Variants in LRRC3 observed in about 807,000 individuals in gnomAD.
LRRC3 encodes the protein leucine rich repeat containing 3.
For missense variants in LRRC3, 351 were observed against 361.6 expected, an observed-to-expected ratio of 0.97 and a Z score of 0.24; for synonymous variants, 172 against 164.1, an observed-to-expected ratio of 1.05 and a Z score of -0.37.
At position 44,457,577 on chromosome 21, in the gene LRRC3, C is replaced by T. The variant is rs1385429676; in HGVS notation, c.*159C>T. ...AGCACCTCCAGGCTGGGTGGTTTTGCCACACATCCGTGTGACGGATGAGGA... is the reference window on the plus strand; with the variant it reads ...AGCACCTCCAGGCTGGGTGGTTTTGTCACACATCCGTGTGACGGATGAGGA... On this transcript the variant is annotated 3_prime_UTR_variant, in exon 2 of 2. Transcript: ENST00000291592. 3 of 775,352 alleles carry T rather than the reference C, an allele frequency of 3.9e-6. No individual in the cohort carries two copies. The highest frequency in any genetic ancestry group is 3.2e-5 in the Admixed American group (1 of 31,126). The allele number at this position is 775,352 out of a possible 1,614,324, so 48.0% of individuals were successfully genotyped here. A position where few individuals can be genotyped will look rare whatever the true frequency, so the allele number is the denominator to read the frequency against.
In LRRC3 at chr21:44,457,600, GGAACC is replaced by G; in HGVS notation, c.*183_*187del. 1 of 633,928 alleles carries G rather than the reference GGAACC, an allele frequency of 1.6e-6. No homozygotes were observed. Among genetic ancestry groups the G allele is most frequent in the African/African-American group, 1.9e-5 (1 of 53,944 alleles). 39.3% of individuals were successfully genotyped at this position (633,928 alleles called of 1,614,324 possible). A position where few individuals can be genotyped will look rare whatever the true frequency, so the allele number is the denominator to read the frequency against. ...TGCCACACATCCGTGTGACGGATGA[GGAACC>G]TGAAGCTTAGAGGAACGGAATGACT... is the stretch of plus-strand genomic sequence containing the variant. On this transcript the variant is annotated 3_prime_UTR_variant, in exon 2 of 2. Coordinates refer to ENST00000291592, the MANE Select transcript of LRRC3 (RefSeq NM_030891.6).
In LRRC3 at chr21:44,457,518, A is replaced by T. The variant is rs751038855; in HGVS notation, c.*100A>T. 2.2e-5 allele frequency: 29 copies of T among 1,333,718 alleles called. 1 individual carries two copies. Among genetic ancestry groups the T allele is most frequent in the South Asian group, 1.0e-4 (7 of 68,034 alleles). 82.6% of individuals were successfully genotyped at this position (1,333,718 alleles called of 1,614,324 possible). On this transcript the variant is annotated 3_prime_UTR_variant, in exon 2 of 2. Coordinates refer to ENST00000291592, the MANE Select transcript of LRRC3 (RefSeq NM_030891.6). Reference sequence around the variant, plus strand: ...CTTCCCTGAGGCAGGTGTCACAGCCATGTGTGCTCCCCACTGTTGCACTCA... The same window carrying T: ...CTTCCCTGAGGCAGGTGTCACAGCCTTGTGTGCTCCCCACTGTTGCACTCA...
At position 44,456,559 on chromosome 21, in the gene LRRC3, T is replaced by C; in HGVS notation, c.-86T>C. The stretch of plus-strand genomic sequence containing the variant: ...GGCAGGATGGCGGTTTCATGTCTGG[T>C]TGGATAAGGCCTTGCCTGCGGAAAC... On this transcript the variant is annotated 5_prime_UTR_variant, in exon 2 of 2. Transcript: ENST00000291592. 1 of 1,406,420 alleles carries C rather than the reference T, an allele frequency of 7.1e-7. No homozygotes were observed. The highest frequency in any genetic ancestry group is 9.6e-7 in the Non-Finnish European group (1 of 1,044,308). The allele number at this position is 1,406,420 out of a possible 1,614,324, so 87.1% of individuals were successfully genotyped here.
At position 44,457,406 on chromosome 21, in the gene LRRC3, C is replaced by A; in HGVS notation, c.762C>A (p.Gly254=). 6.3e-7 allele frequency: 1 copy of A among 1,585,790 alleles called. No individual in the cohort carries two copies. The highest frequency in any genetic ancestry group is 8.6e-7 in the Non-Finnish European group (1 of 1,161,368). Residue 254 remains glycine (G), a synonymous_variant, in exon 2 of 2, where the codon GGC becomes GGA. Transcript: ENST00000291592. Reference sequence around the variant, plus strand: ...CCCCCGCCTCCAAGGACCCCATCGGCCCGGGGCCCTAGCGCCTGTTCCGGC... The same window carrying A: ...CCCCCGCCTCCAAGGACCCCATCGGACCGGGGCCCTAGCGCCTGTTCCGGC... The part of the protein sequence containing the change: ...PSAPASKDPI[G]PGP
In LRRC3 at chr21:44,457,066, G is replaced by T. The variant is rs775445278; in HGVS notation, c.422G>T (p.Arg141Leu). ...DALGKLSAKI[R>L]LSHNPLHCEC... ...CTGGGCAAACTCAGCGCCAAGATAC[G>T]CCTGTCCCACAACCCCCTGCACTGC... is the stretch of plus-strand genomic sequence containing the variant. The change falls in exon 2 of 2, where the codon CGC becomes CTC. Residue 141 changes from arginine (R) to leucine (L), a missense_variant. Arg to Leu is a moderately radical substitution (Grantham distance 102, BLOSUM62 -2). Coordinates refer to ENST00000291592, the MANE Select transcript of LRRC3 (RefSeq NM_030891.6). 15 of 1,608,206 alleles carry T rather than the reference G, an allele frequency of 9.3e-6. No homozygotes were observed. In the East Asian group the frequency reaches 3.3e-4, roughly 36 times the overall value.
rs2051718155 is a variant in LRRC3, at chr21:44,457,721, C to T, written c.*303C>T. 2.3e-6 allele frequency: 1 copy of T among 426,044 alleles called. No individual in the cohort carries two copies. The highest frequency in any genetic ancestry group is 2.0e-5 in the African/African-American group (1 of 48,992). 26.4% of individuals were successfully genotyped at this position (426,044 alleles called of 1,614,324 possible). A position where few individuals can be genotyped will look rare whatever the true frequency, so the allele number is the denominator to read the frequency against. ...TTCCGCCTCCTTCCACCATGCCAGC[C>T]TCTCCCACACGGGGCCCTGCAGGCT... On this transcript the variant is annotated 3_prime_UTR_variant, in exon 2 of 2. Coordinates refer to ENST00000291592, the MANE Select transcript of LRRC3 (RefSeq NM_030891.6).
In LRRC3 at chr21:44,457,265, G is replaced by A; in HGVS notation, c.621G>A (p.Met207Ile). The A allele has an allele frequency of 6.2e-7, 1 of 1,613,916 alleles. No individual in the cohort carries two copies. The highest frequency in any genetic ancestry group is 2.2e-5 in the East Asian group (1 of 44,888). Reference protein sequence around the residue: ...SVPHRTTDVAMLVTMFGWFAM... With the variant: ...SVPHRTTDVAILVTMFGWFAM... ...CCCACAGGACCACAGACGTGGCCATGCTGGTCACCATGTTCGGCTGGTTCG... is the reference window on the plus strand; with the variant it reads ...CCCACAGGACCACAGACGTGGCCATACTGGTCACCATGTTCGGCTGGTTCG... The change falls in exon 2 of 2, where the codon ATG becomes ATA. Residue 207 changes from methionine to isoleucine, a missense_variant. Physicochemically the swap from Met to Ile is conservative, Grantham distance 10 (BLOSUM62 1). Coordinates refer to ENST00000291592, the MANE Select transcript of LRRC3 (RefSeq NM_030891.6).
chr21:44,457,568 G>T lies in LRRC3; in HGVS notation c.*150G>T. 2 of 916,660 alleles carry T rather than the reference G, an allele frequency of 2.2e-6. No individual in the cohort carries two copies. The highest frequency in any genetic ancestry group is 3.2e-6 in the Non-Finnish European group (2 of 620,658). 56.8% of individuals were successfully genotyped at this position (916,660 alleles called of 1,614,324 possible). On this transcript the variant is annotated 3_prime_UTR_variant, in exon 2 of 2. Transcript: ENST00000291592. ...AGGCACAGCAGCACCTCCAGGCTGGGTGGTTTTGCCACACATCCGTGTGAC... is the reference window on the plus strand; with the variant it reads ...AGGCACAGCAGCACCTCCAGGCTGGTTGGTTTTGCCACACATCCGTGTGAC...
chr21:44,456,610 AGGCTCGCGTGTCCCCGTCCCCAGGTCAG>A lies in LRRC3; in HGVS notation c.-33_-6del. 6.5e-7 allele frequency: 1 copy of A among 1,542,654 alleles called. No homozygotes were observed. Among genetic ancestry groups the A allele is most frequent in the Non-Finnish European group, 8.7e-7 (1 of 1,145,796 alleles). The stretch of plus-strand genomic sequence containing the variant: ...CAGCTCCATCCCCAGGCCCTAGCAG[AGGCTCGCGTGTCCCCGTCCCCAGGTCAG>A]GTCAGGATGGGCACCGTGCGCCCAC... On this transcript the variant is annotated 5_prime_UTR_variant, in exon 2 of 2. Coordinates refer to ENST00000291592, the MANE Select transcript of LRRC3 (RefSeq NM_030891.6).
In LRRC3 at chr21:44,457,197, C is replaced by T. The variant is rs2051711506; in HGVS notation, c.553C>T (p.Leu185=). The stretch of plus-strand genomic sequence containing the variant: ...GCAGGAGGAGTTTGTGGGGAAGCCT[C>T]TGGTTCAGGCTCTGGATGCGGGTGC... The part of the protein sequence containing the change: ...SVQEEFVGKP[L]VQALDAGASL... Residue 185 remains leucine, a synonymous_variant, in exon 2 of 2, where the codon CTG becomes TTG. Transcript: ENST00000291592. 6.2e-7 allele frequency: 1 copy of T among 1,613,994 alleles called. No individual in the cohort carries two copies.
rs956979435 is a variant in LRRC3 at position 44,458,206 on chromosome 21, C to G, written c.*788C>G. On this transcript the variant is annotated 3_prime_UTR_variant, in exon 2 of 2. Coordinates refer to ENST00000291592, the MANE Select transcript of LRRC3 (RefSeq NM_030891.6). ...CCTGCCCCTCTGGGTGTGCCTGATG[C>G]GGGAGGCCCTGCCCCAGGGCGATCT... 1 of 157,646 alleles carries G rather than the reference C, an allele frequency of 6.3e-6. No individual in the cohort carries two copies. Among genetic ancestry groups the G allele is most frequent in the East Asian group, 1.9e-4 (1 of 5,198 alleles). 9.8% of individuals were successfully genotyped at this position (157,646 alleles called of 1,614,324 possible).
At position 44,456,883 on chromosome 21, in the gene LRRC3, C is replaced by G; in HGVS notation, c.239C>G (p.Pro80Arg). 2 of 1,609,818 alleles carry G rather than the reference C, an allele frequency of 1.2e-6. No individual in the cohort carries two copies. The highest frequency in any genetic ancestry group is 1.7e-6 in the Non-Finnish European group (2 of 1,177,862). The change falls in exon 2 of 2, where the codon CCG becomes CGG. Residue 80 changes from proline to arginine, a missense_variant. Physicochemically the swap from Pro to Arg is moderately radical, Grantham distance 103. Coordinates refer to ENST00000291592, the MANE Select transcript of LRRC3 (RefSeq NM_030891.6). The part of the protein sequence containing the change: ...KLDANKISHL[P>R]DGAFQHLHRL... ...GATGCCAACAAGATCTCCCACCTCC[C>G]GGACGGGGCCTTCCAGCACCTGCAC...
At chr21:44,455,852 G>C (rs2051695091) in intron 1 of LRRC3, among the ~76,000 whole-genome samples, 197 bp downstream of exon 1, 1 of 151,978 alleles carries the variant, frequency 6.6e-6, no homozygotes, top group Non-Finnish European at 1.5e-5. Context: ...GCCCAGCGCG[G>C]GCCGCGCGCA....
chr21:44,456,770 C>T lies in LRRC3; in HGVS notation c.126C>T (p.His42=), dbSNP rs563894675. ...CACAGCCCTGCCGGTGCCCTGACCACGCAGGGGCTGTGGCTGTCTTCTGCA... is the reference window on the plus strand; with the variant it reads ...CACAGCCCTGCCGGTGCCCTGACCATGCAGGGGCTGTGGCTGTCTTCTGCA... ...ACPQPCRCPD[H]AGAVAVFCSL... The change falls in exon 2 of 2, where the codon CAC becomes CAT. Residue 42 remains histidine, a synonymous_variant. Coordinates refer to ENST00000291592, the MANE Select transcript of LRRC3 (RefSeq NM_030891.6). 12 of 1,610,972 alleles carry T rather than the reference C, an allele frequency of 7.4e-6. No homozygotes were observed. The highest frequency in any genetic ancestry group is 4.0e-5 in the African/African-American group (3 of 75,058).
In LRRC3 at chr21:44,458,526, C is replaced by T. The variant is rs1415783319; in HGVS notation, c.*1108C>T. 6.0e-6 allele frequency: 1 copy of T among 167,056 alleles called. No homozygotes were observed. Among genetic ancestry groups the T allele is most frequent in the South Asian group, 2.1e-4 (1 of 4,832 alleles). 10.3% of individuals were successfully genotyped at this position (167,056 alleles called of 1,614,324 possible). A position where few individuals can be genotyped will look rare whatever the true frequency, so the allele number is the denominator to read the frequency against. On this transcript the variant is annotated 3_prime_UTR_variant, in exon 2 of 2. Transcript: ENST00000291592. ...AGCTCTTTTTCCAAGGCCCGGAGTA[C>T]TGGGGATTGATGTTTCAAGGCCAAT...
In LRRC3 at chr21:44,456,757, G is replaced by T. The variant is rs761007262; in HGVS notation, c.113G>T (p.Arg38Leu). ...HLGAACPQPC[R>L]CPDHAGAVAV... The stretch of plus-strand genomic sequence containing the variant: ...GGCGCCGCCTGCCCACAGCCCTGCC[G>T]GTGCCCTGACCACGCAGGGGCTGTG... The change falls in exon 2 of 2, where the codon CGG (arginine) becomes CTG (leucine). Residue 38 changes from arginine (R) to leucine (L), a missense_variant. Arg to Leu is a moderately radical substitution (Grantham distance 102, BLOSUM62 -2). Coordinates refer to ENST00000291592, the MANE Select transcript of LRRC3 (RefSeq NM_030891.6). The T allele has an allele frequency of 3.1e-6, 5 of 1,610,194 alleles. No homozygotes were observed. The South Asian group carries it at 4.4e-5, about 14-fold the overall frequency.
In LRRC3 at chr21:44,458,237, C is replaced by T. The variant is rs2051721258; in HGVS notation, c.*819C>T. 6.4e-6 allele frequency: 1 copy of T among 155,474 alleles called. No homozygotes were observed. The highest frequency in any genetic ancestry group is 2.1e-4 in the South Asian group (1 of 4,836). 9.6% of individuals were successfully genotyped at this position (155,474 alleles called of 1,614,324 possible). ...GCCCTGCCCCAGGGCGATCTCAGCT[C>T]ACTGCAACCTTTGCCTCCCAGGCTC... On this transcript the variant is annotated 3_prime_UTR_variant, in exon 2 of 2. Transcript: ENST00000291592.
Position 44,458,311 on chromosome 21 carries a change from G to A in LRRC3, c.*893G>A, listed in dbSNP as rs909742709. On this transcript the variant is annotated 3_prime_UTR_variant, in exon 2 of 2. Coordinates refer to ENST00000291592, the MANE Select transcript of LRRC3 (RefSeq NM_030891.6). ...CCCTAGTAGCTGGAATTACAGGCAT[G>A]AGCCACCACGCCTGGCTAATTTTTG... The A allele has an allele frequency of 1.9e-5, 3 of 154,160 alleles. No homozygotes were observed. The highest frequency in any genetic ancestry group is 1.9e-4 in the East Asian group (1 of 5,198). The allele number at this position is 154,160 out of a possible 1,614,324, so 9.5% of individuals were successfully genotyped here. A position where few individuals can be genotyped will look rare whatever the true frequency, so the allele number is the denominator to read the frequency against.
chr21:44,457,004 G>T lies in LRRC3; in HGVS notation c.360G>T (p.Leu120=). The T allele has an allele frequency of 1.2e-6, 2 of 1,606,474 alleles. No individual in the cohort carries two copies. Among genetic ancestry groups the T allele is most frequent in the Non-Finnish European group, 1.7e-6 (2 of 1,179,816 alleles). ...GLAGGLRLLD[L]SYNRIQRIPK... ...CCGGGGGCCTGCGGCTGCTGGACCT[G>T]TCTTACAACCGCATCCAGAGGATCC... The change falls in exon 2 of 2, where the codon CTG becomes CTT. Residue 120 remains leucine (L), a synonymous_variant. Transcript: ENST00000291592.
Sources: gnomAD v4.1 joint callset for allele counts (sites outside exome capture counted in the v4.1 genomes callset) on GRCh38, gnomAD v4.1.1 for gene constraint, MANE v1.5 for transcripts, NCBI Gene and HGNC (gene_info 2026-07-23, HGNC 2026-07-21) for gene names.